ANO3: variants seen among roughly 807,000 people sequenced by gnomAD.
ANO3 encodes the protein anoctamin 3.
Under a neutral mutation model 144.8 loss-of-function variants are expected in ANO3, and 99 were observed. The observed-to-expected ratio is 0.68, with a 90% CI of 0.58 to 0.81. The LOEUF is 0.81. Ranked by LOEUF, ANO3 falls within the 30% of genes least tolerant of loss-of-function variation. The probability of loss-of-function intolerance (pLI) is 0.00; values close to 1 mark genes in which losing one functional copy is unlikely to be tolerated. For synonymous variants in ANO3, 414 were observed against 392.6 expected, an observed-to-expected ratio of 1.05 and a Z score of -0.64; for missense variants, 905 against 1,202.2, an observed-to-expected ratio of 0.75 and a Z score of 3.66.
intron 17 of ANO3, among the ~76,000 whole-genome samples, chr11:26,611,949 G>T (rs1031466760): frequency 2.6e-5 from 4 of 151,802 alleles, no homozygotes; most frequent in Non-Finnish European, 4.4e-5. Context: ...GTTTGCATTT[G>T]CATGGAATAT....
At chr11:26,397,246 G>A (rs938632277) in intron 1 of ANO3, among the ~76,000 whole-genome samples, 3 of 152,008 alleles carry the variant, frequency 2.0e-5, no homozygotes, top group African/African-American at 7.2e-5. Flanking sequence ...AGTGTTCTCA[G>A]TAGTAAAAAT....
chr11:26,202,157 A>G (rs1163433029), intron 1 of ANO3, among the ~76,000 whole-genome samples: 2 of 149,736 alleles, frequency 1.3e-5, no homozygotes, highest in Non-Finnish European at 3.0e-5. Context: ...AAAATATTTT[A>G]TACAAAATTT....
At chr11:26,630,850 A>C (rs1192531037) in intron 18 of ANO3, among the ~76,000 whole-genome samples, 1 of 152,172 alleles carries the variant, frequency 6.6e-6, no homozygotes, top group Non-Finnish European at 1.5e-5. Flanking sequence ...AAGTTGAATT[A>C]CTTTAATTAT....
intron 1 of ANO3, among the ~76,000 whole-genome samples, chr11:26,361,471 T>C (rs946401827): frequency 6.6e-6 from 1 of 152,210 alleles, no homozygotes; most frequent in African/African-American, 2.4e-5. Context: ...TAATTGATGA[T>C]GTAATTATCA....
Position 26,582,199 on chromosome 11 carries a change from A to G in ANO3, c.1448-16166A>G, listed in dbSNP as rs573946425. Among the ~76,000 whole-genome samples, 13 of 152,336 alleles carry G rather than the reference A, an allele frequency of 8.5e-5. No homozygotes were observed. In the South Asian group the frequency reaches 2.7e-3, roughly 32 times the overall value. ...GCTGTTCCTGTATGTTCTGAGGAGC[A>G]TTATTACTTAATCAAAAAGATAATT... On this transcript the variant is annotated intron_variant, in intron 14 of 26. Transcript: ENST00000256737.
intron 6 of ANO3, among the ~76,000 whole-genome samples, chr11:26,524,208 T>C (rs1272111192): frequency 6.6e-6 from 1 of 152,168 alleles, no homozygotes; most frequent in Non-Finnish European, 1.5e-5. Context: ...CAGTAAGAAT[T>C]GAGTGAAGTA....
At chr11:26,346,986 G>C (rs1387818877) in intron 1 of ANO3, among the ~76,000 whole-genome samples, 1 of 152,218 alleles carries the variant, frequency 6.6e-6, no homozygotes, top group Non-Finnish European at 1.5e-5. Flanking sequence ...CCTGGGAGCT[G>C]ATCCAGCACT....
At chr11:26,491,001 G>T (rs1037066480) in intron 4 of ANO3, among the ~76,000 whole-genome samples, 3 of 152,230 alleles carry the variant, frequency 2.0e-5, no homozygotes, top group African/African-American at 7.2e-5. Flanking sequence ...TCCCAAAACT[G>T]TTCAGAAAGC....
At chr11:26,598,197 C>G (rs1239539977) in intron 14 of ANO3, among the ~76,000 whole-genome samples, 168 bp from the exon 15 acceptor site, 1 of 151,450 alleles carries the variant, frequency 6.6e-6, no homozygotes, top group Non-Finnish European at 1.5e-5. Flanking sequence ...AATAGATACA[C>G]TAATTAATGA....
chr11:26,633,927 A>C (rs1182866168), intron 18 of ANO3, among the ~76,000 whole-genome samples: 1 of 151,904 alleles, frequency 6.6e-6, no homozygotes, highest in Non-Finnish European at 1.5e-5. Flanking sequence ...AAATACAAAA[A>C]ATTAGCCAGG....
chr11:26,426,480 A>G (rs531201449), intron 1 of ANO3, among the ~76,000 whole-genome samples: 1 of 151,518 alleles, frequency 6.6e-6, no homozygotes, highest in African/African-American at 2.4e-5. Flanking sequence ...TTAGAGAAAC[A>G]CTCAAGATTT....
chr11:26,614,050 C>T (rs1416418795), intron 17 of ANO3, among the ~76,000 whole-genome samples: 1 of 152,218 alleles, frequency 6.6e-6, no homozygotes, highest in Non-Finnish European at 1.5e-5. Context: ...CATGCATGCA[C>T]TTGGGCCAGG....
intron 4 of ANO3, among the ~76,000 whole-genome samples, chr11:26,498,891 T>C (rs1288861410): frequency 6.6e-6 from 1 of 151,914 alleles, no homozygotes; most frequent in African/African-American, 2.4e-5. Flanking sequence ...TTTGAAAAAA[T>C]GTAACAGACA....
chr11:26,335,258 T>A (rs373830159), intron 1 of ANO3, among the ~76,000 whole-genome samples: 2 of 152,308 alleles, frequency 1.3e-5, no homozygotes, highest in East Asian at 3.9e-4. Flanking sequence ...TATAAGGTGT[T>A]TAGCAGTTTG....
At chr11:26,365,171 A>G (rs900325337) in intron 1 of ANO3, among the ~76,000 whole-genome samples, 2 of 152,236 alleles carry the variant, frequency 1.3e-5, no homozygotes, top group Non-Finnish European at 2.9e-5. Flanking sequence ...CCAAAAGAAT[A>G]TCCTTTGACT....
At chr11:26,494,657 A>G (rs1860853176) in intron 4 of ANO3, among the ~76,000 whole-genome samples, 1 of 152,180 alleles carries the variant, frequency 6.6e-6, no homozygotes, top group Non-Finnish European at 1.5e-5. Flanking sequence ...GATTTCATGT[A>G]AGAAATTCAA....
intron 1 of ANO3, among the ~76,000 whole-genome samples, chr11:26,245,015 G>GCA (rs1233171869): frequency 7.7e-4 from 108 of 140,714 alleles, no homozygotes; most frequent in African/African-American, 3.0e-3. Context: ...GTGTGTGTGT[G>GCA]TGTGTGCATG....
chr11:26,566,133 C>T (rs1486823828), intron 14 of ANO3, among the ~76,000 whole-genome samples: 1 of 151,808 alleles, frequency 6.6e-6, no homozygotes, highest in Non-Finnish European at 1.5e-5. Flanking sequence ...CAAAAACTTC[C>T]TCAAGCCACA....
At chr11:26,606,196 C>T (rs939714133) in intron 17 of ANO3, among the ~76,000 whole-genome samples, 1 of 151,910 alleles carries the variant, frequency 6.6e-6, no homozygotes, top group Admixed American at 6.6e-5. Context: ...TGTTATTTAC[C>T]CAATAATCAT....
Sources: allele counts gnomAD v4.1 joint callset (sites outside exome capture counted in the v4.1 genomes callset), GRCh38; gene constraint gnomAD v4.1.1; transcripts MANE v1.5; gene names NCBI Gene and HGNC (gene_info 2026-07-23, HGNC 2026-07-21).